CNIH2: variants seen among roughly 807,000 people sequenced by gnomAD.
CNIH2 encodes protein cornichon homolog 2.
CNIH2 carries 8 observed loss-of-function variants against 22.9 expected under a neutral mutation model. The ratio of observed to expected loss-of-function variants is 0.35; its 90% CI spans 0.20 to 0.63. The LOEUF (loss-of-function observed/expected upper bound fraction) is 0.63. Ranked by LOEUF, CNIH2 falls within the 30% of genes least tolerant of loss-of-function variation. CNIH2 has a pLI of 0.72. For missense variants in CNIH2, 105 were observed against 206.2 expected (o/e 0.51, Z 3.01); for synonymous variants, 74 against 78.2 (o/e 0.95, Z 0.28).
rs752510019 is a variant in CNIH2, at chr11:66,278,520, T to A, written c.64T>A (p.Phe22Ile). ...CCTGGTGCTGTGCGCCTCCCTCATC[T>A]TCTTTGTCATCTGGCACGTAAGGCC... ...LTLVLCASLI[F>I]FVIWHIIAFD... The change falls in exon 1 of 6, where the codon TTC becomes ATC. Residue 22 changes from phenylalanine (F) to isoleucine (I), a missense_variant. By Grantham distance (21) the Phe-to-Ile change is conservative. Coordinates refer to ENST00000311445, the MANE Select transcript of CNIH2 (RefSeq NM_182553.3). The A allele has an allele frequency of 5.2e-6, 8 of 1,547,174 alleles. No homozygotes were observed. Among genetic ancestry groups the A allele is most frequent in the East Asian group, 2.5e-5 (1 of 39,636 alleles).
chr11:66,282,494 C>T (rs1182338451), intron 2 of CNIH2, 167 bp downstream of exon 2: 1 of 934,806 alleles, frequency 1.1e-6, no homozygotes, highest in Non-Finnish European at 1.7e-6. Flanking sequence ...GGGCTCAGGG[C>T]TGAGTTCCTC....
intron 3 of CNIH2, 104 bp from the exon 4 acceptor site, chr11:66,282,931 G>A: frequency 3.0e-6 from 4 of 1,351,108 alleles, no homozygotes; most frequent in Non-Finnish European, 4.2e-6. Context: ...ATCCCCAGAG[G>A]TCACGGTGGG....
chr11:66,283,518 C>G (rs115798559), intron 5 of CNIH2, 52 bp from the exon 6 acceptor site: 1 of 1,606,962 alleles, frequency 6.2e-7, no homozygotes, highest in African/African-American at 1.3e-5. Context: ...AGGTGGGCAT[C>G]TGGGTGGCTG....
At position 66,283,404 on chromosome 11, in the gene CNIH2, C is replaced by T. The variant is rs771502391; in HGVS notation, c.455+13C>T. The T allele has an allele frequency of 6.2e-7, 1 of 1,613,896 alleles. No individual in the cohort carries two copies. Among genetic ancestry groups the T allele is most frequent in the African/African-American group, 1.3e-5 (1 of 74,940 alleles). ...ATTACCTGTACAGGTGAGGCCTTGC[C>T]CACAGCAGTCAGAACTCAGGGAAGG... On this transcript the variant is annotated intron_variant, in intron 5 of 5. Coordinates refer to ENST00000311445, the MANE Select transcript of CNIH2 (RefSeq NM_182553.3).
chr11:66,283,916 G>T lies in CNIH2; in HGVS notation c.*319G>T. ...TCGGGGGAAACTTGGGCCCTGCCAAGGGGCAGAGCTTGACCCTGGAAATTC... is the reference window on the plus strand; with the variant it reads ...TCGGGGGAAACTTGGGCCCTGCCAATGGGCAGAGCTTGACCCTGGAAATTC... On this transcript the variant is annotated 3_prime_UTR_variant, in exon 6 of 6. Coordinates refer to ENST00000311445, the MANE Select transcript of CNIH2 (RefSeq NM_182553.3). 1 of 337,198 alleles carries T rather than the reference G, an allele frequency of 3.0e-6. No individual in the cohort carries two copies. Among genetic ancestry groups the T allele is most frequent in the Non-Finnish European group, 5.6e-6 (1 of 179,316 alleles). The allele number at this position is 337,198 out of a possible 1,614,324, so 20.9% of individuals were successfully genotyped here.
At chr11:66,280,726 G>T (rs957906016) in intron 1 of CNIH2, among the ~76,000 whole-genome samples, 1 of 152,162 alleles carries the variant, frequency 6.6e-6, no homozygotes, top group African/African-American at 2.4e-5. Flanking sequence ...GTTGCTGTGC[G>T]TGCCAAGTGG....
Position 66,282,726 on chromosome 11 carries a change from C to A in CNIH2, c.151-7C>A, listed in dbSNP as rs371370187. The A allele has an allele frequency of 5.0e-4, 805 of 1,613,740 alleles. No individual in the cohort carries two copies. The highest frequency in any genetic ancestry group is 6.3e-4 in the Non-Finnish European group (739 of 1,179,956). On this transcript the variant is annotated splice_region_variant and splice_polypyrimidine_tract_variant and intron_variant, in intron 2 of 5. Coordinates refer to ENST00000311445, the MANE Select transcript of CNIH2 (RefSeq NM_182553.3). ...ACCCCATCGCGGCCTTTTCCTTCCC[C>A]CAACAGCGCGAGCGTTTAAAAAACA...
chr11:66,279,905 C>T lies in CNIH2; in HGVS notation c.81+1368C>T, dbSNP rs77790550. Among the ~76,000 whole-genome samples, 493 of 152,310 alleles carry T rather than the reference C, an allele frequency of 3.2e-3. 12 individuals are homozygous for T. In the East Asian group the frequency reaches 0.049, roughly 15 times the overall value. On this transcript the variant is annotated intron_variant, in intron 1 of 5. Transcript: ENST00000311445. ...TTGCTTTGTCTTTCCCCCTCTCCCC[C>T]GCACCCCGAGTTACTCTATTTTTCT...
intron 1 of CNIH2, among the ~76,000 whole-genome samples, chr11:66,278,917 C>T (rs1415339205): frequency 1.7e-4 from 9 of 53,610 alleles, no homozygotes; most frequent in African/African-American, 9.4e-4. Context: ...TGTCTGCTGC[C>T]CCCCCCCCCC....
intron 1 of CNIH2, among the ~76,000 whole-genome samples, chr11:66,279,248 C>T (rs1312396631): frequency 6.6e-6 from 1 of 151,950 alleles, no homozygotes; most frequent in Non-Finnish European, 1.5e-5. Flanking sequence ...CTGGCCTAGC[C>T]TCACACCTGG....
intron 5 of CNIH2, 32 bp downstream of exon 5, chr11:66,283,423 G>A (rs1857293714): frequency 6.2e-7 from 1 of 1,613,194 alleles, no homozygotes; most frequent in Admixed American, 1.7e-5. Context: ...TCAGAACTCA[G>A]GGAAGGGATG....
intron 3 of CNIH2, 52 bp from the exon 4 acceptor site, chr11:66,282,983 G>A (rs1388258574): frequency 1.4e-5 from 21 of 1,516,492 alleles, no homozygotes; most frequent in Non-Finnish European, 1.9e-5. Flanking sequence ...TCCCCTTGAA[G>A]GCTGGTCTGT....
rs1565185730 is a variant in CNIH2 at position 66,282,764 on chromosome 11, G to C, written c.182G>C (p.Cys61Ser). ...CGTTTAAAAAACATCGAACGCATCT[G>C]CTGCCTCCTGAGGAAGGTCAGTGTC... is the stretch of plus-strand genomic sequence containing the variant. ...RERLKNIERICCLLRKLVVPE... is the reference protein window; with the variant it reads ...RERLKNIERISCLLRKLVVPE... The change falls in exon 3 of 6, where the codon TGC becomes TCC. Residue 61 changes from cysteine (C) to serine (S), a missense_variant. Cys to Ser is a moderately radical substitution (Grantham distance 112, BLOSUM62 -1). Transcript: ENST00000311445. 6.2e-7 allele frequency: 1 copy of C among 1,612,760 alleles called. No individual in the cohort carries two copies. The highest frequency in any genetic ancestry group is 1.3e-5 in the African/African-American group (1 of 74,888).
intron 1 of CNIH2, chr11:66,281,549 C>T (rs1285330992): frequency 6.8e-6 from 3 of 441,974 alleles, no homozygotes; most frequent in Non-Finnish European, 4.6e-6. Flanking sequence ...CTCTTCAATG[C>T]CTCCCCCCAA....
rs771761682 is a variant in CNIH2 at position 66,283,533 on chromosome 11, T to C, written c.456-37T>C. 3.3e-5 allele frequency: 53 copies of C among 1,604,436 alleles called. No individual in the cohort carries two copies. The Middle Eastern group carries it at 6.6e-4, about 20-fold the overall frequency. On this transcript the variant is annotated intron_variant, in intron 5 of 5. Coordinates refer to ENST00000311445, the MANE Select transcript of CNIH2 (RefSeq NM_182553.3). ...AGGTGGGCATCTGGGTGGCTGTGTG[T>C]GTGCAGGGCTAGGCTCACTGGCTCA...
chr11:66,278,783 C>G (rs1044353419), intron 1 of CNIH2, among the ~76,000 whole-genome samples: 15 of 150,406 alleles, frequency 1.0e-4, no homozygotes, highest in Non-Finnish European at 2.1e-4. Flanking sequence ...CCTCTGCCCT[C>G]GTCCTCTGCT....
intron 2 of CNIH2, 96 bp downstream of exon 2, chr11:66,282,423 T>TGAGGGGGGGGGGGGGGG: frequency 6.8e-6 from 1 of 147,070 alleles, no homozygotes; most frequent in Non-Finnish European, 1.3e-5. Flanking sequence ...GGGGGTGGGG[T>TGAGGGGGGGGGGGGGGG]GGGGGGCCTA....
At chr11:66,282,441 G>GC in intron 2 of CNIH2, 114 bp downstream of exon 2, 1 of 1,145,664 alleles carries the variant, frequency 8.7e-7, no homozygotes. Flanking sequence ...CTACGGCCAT[G>GC]CCCCCTTCCT....
chr11:66,281,206 C>G (rs1857254280), intron 1 of CNIH2, among the ~76,000 whole-genome samples: 1 of 152,192 alleles, frequency 6.6e-6, no homozygotes. Flanking sequence ...AAACCGTCCC[C>G]TTGCTGGTCT....
Sources: allele counts gnomAD v4.1 joint callset (sites outside exome capture counted in the v4.1 genomes callset), GRCh38; gene constraint gnomAD v4.1.1; transcripts MANE v1.5; gene names NCBI Gene and HGNC (gene_info 2026-07-23, HGNC 2026-07-21).